The following TASP1 variants were observed in gnomAD, a reference collection of about 807,000 sequenced individuals.
TASP1 encodes taspase 1.
A neutral mutation model predicts 56.6 loss-of-function variants in TASP1; 16 were observed. That is an observed-to-expected ratio of 0.28 (90% CI 0.19 to 0.43). The LOEUF (loss-of-function observed/expected upper bound fraction) is 0.43. TASP1 is among the 20% of genes least tolerant of loss of function. The pLI, the probability that TASP1 is intolerant of heterozygous loss-of-function variation, is 1.00. For missense variants in TASP1, 393 were observed against 511.6 expected (o/e 0.77, Z 2.24); for synonymous variants, 179 against 184.2 (o/e 0.97, Z 0.23).
the TASP1 span, among the ~76,000 whole-genome samples, chr20:13,318,088 A>G: frequency 6.6e-6 from 1 of 151,620 alleles, no homozygotes; most frequent in Non-Finnish European, 1.5e-5. Context: ...ACTCAACAAT[A>G]AGAACACAAA....
At chr20:13,585,511 A>G (rs1394133050) in intron 5 of TASP1, among the ~76,000 whole-genome samples, 1 of 152,216 alleles carries the variant, frequency 6.6e-6, no homozygotes, top group African/African-American at 2.4e-5. Flanking sequence ...AGATATAATC[A>G]AATAAAAATC....
the TASP1 span, among the ~76,000 whole-genome samples, chr20:13,141,793 G>A: frequency 1.3e-5 from 2 of 152,216 alleles, no homozygotes; most frequent in Non-Finnish European, 2.9e-5. Context: ...TTGGTGCTAT[G>A]CTCCACTGGC....
At chr20:13,430,978 C>T (rs1001242499) in intron 12 of TASP1, among the ~76,000 whole-genome samples, 2 of 151,982 alleles carry the variant, frequency 1.3e-5, no homozygotes, top group Non-Finnish European at 1.5e-5. Flanking sequence ...CAATGAGGTT[C>T]GACTGAAAAC....
chr20:13,470,782 C>T (rs1190886031), intron 11 of TASP1, among the ~76,000 whole-genome samples: 3 of 152,286 alleles, frequency 2.0e-5, no homozygotes, highest in African/African-American at 4.8e-5. Context: ...CTCTCCCAGC[C>T]GCTCAACAGA....
At chr20:13,226,374 A>T in the TASP1 span, among the ~76,000 whole-genome samples, 1 of 152,056 alleles carries the variant, frequency 6.6e-6, no homozygotes, top group Non-Finnish European at 1.5e-5. Flanking sequence ...TTTGTGACTT[A>T]CCTGCTCGTT....
chr20:13,121,733 C>T, the TASP1 span, among the ~76,000 whole-genome samples: 2 of 152,146 alleles, frequency 1.3e-5, no homozygotes, highest in African/African-American at 4.8e-5. Context: ...CCAGAAGTTA[C>T]TCAAAGAGCT....
At chr20:13,250,007 T>C in the TASP1 span, among the ~76,000 whole-genome samples, 1 of 152,214 alleles carries the variant, frequency 6.6e-6, no homozygotes, top group African/African-American at 2.4e-5. Context: ...ATAATGGATT[T>C]CCATCGATCG....
rs544815221 is a variant in TASP1, at chr20:13,616,435, T to A, written c.282+7011A>T. ...TCTCTTCTACTAGATTCAGCCAGGATGAATATATCTGATGAGATCCACATA... is the reference window on the plus strand; with the variant it reads ...TCTCTTCTACTAGATTCAGCCAGGAAGAATATATCTGATGAGATCCACATA... On this transcript the variant is annotated intron_variant, in intron 4 of 13. Transcript: ENST00000337743. 3.6e-4 allele frequency among the ~76,000 whole-genome samples: 55 copies of A among 152,142 alleles called. 1 individual carries two copies. In the South Asian group the frequency reaches 0.011, roughly 30 times the overall value.
At chr20:13,130,135 C>T in the TASP1 span, among the ~76,000 whole-genome samples, 6 of 152,210 alleles carry the variant, frequency 3.9e-5, no homozygotes, top group Non-Finnish European at 7.3e-5. Context: ...GAAAGTCATA[C>T]AGTGAATGAT....
chr20:13,455,355 T>C (rs1214147555), intron 11 of TASP1, among the ~76,000 whole-genome samples: 1 of 152,120 alleles, frequency 6.6e-6, no homozygotes, highest in Non-Finnish European at 1.5e-5. Context: ...CAAAAAATGT[T>C]TGCATGAAAA....
At chr20:13,184,142 C>T in the TASP1 span, among the ~76,000 whole-genome samples, 3 of 151,910 alleles carry the variant, frequency 2.0e-5, no homozygotes, top group Non-Finnish European at 4.4e-5. Flanking sequence ...CACTAGGTGC[C>T]AAGCACTGTT....
At chr20:13,205,122 T>C in the TASP1 span, among the ~76,000 whole-genome samples, 1 of 152,130 alleles carries the variant, frequency 6.6e-6, no homozygotes, top group Admixed American at 6.5e-5. Flanking sequence ...GACCTTTTGC[T>C]GTTTTTCCGT....
At chr20:13,223,221 G>A in the TASP1 span, among the ~76,000 whole-genome samples, 1 of 150,902 alleles carries the variant, frequency 6.6e-6, no homozygotes, top group African/African-American at 2.4e-5. Context: ...AATGAAATAA[G>A]CATTATTCAT....
At chr20:13,482,298 T>C (rs995070945) in intron 11 of TASP1, among the ~76,000 whole-genome samples, 2 of 152,174 alleles carry the variant, frequency 1.3e-5, no homozygotes, top group African/African-American at 4.8e-5. Context: ...GCCAGTCCCA[T>C]GCCATTTTGG....
At chr20:13,508,277 C>A (rs1421386977) in intron 10 of TASP1, among the ~76,000 whole-genome samples, 1 of 151,766 alleles carries the variant, frequency 6.6e-6, no homozygotes, top group Non-Finnish European at 1.5e-5. Context: ...AAGGTTTCTG[C>A]ACAGCAAAGG....
chr20:13,324,069 T>C, the TASP1 span, among the ~76,000 whole-genome samples: 1 of 152,178 alleles, frequency 6.6e-6, no homozygotes, highest in Non-Finnish European at 1.5e-5. Context: ...TCGAGAAGTA[T>C]TTGCAGTAAT....
the TASP1 span, chr20:13,164,335 A>G: frequency 2.4e-3 from 1,140 of 471,906 alleles, 8 homozygotes; most frequent in African/African-American, 0.021. Context: ...CTCCCGCAAC[A>G]TTCCTCTTTG....
chr20:13,286,165 G>A, the TASP1 span, among the ~76,000 whole-genome samples: 1 of 152,060 alleles, frequency 6.6e-6, no homozygotes, highest in Non-Finnish European at 1.5e-5. Context: ...ATCTGGCCTC[G>A]GTGGTGTGTG....
the TASP1 span, among the ~76,000 whole-genome samples, chr20:13,310,375 C>T: frequency 4.6e-5 from 7 of 152,038 alleles, no homozygotes; most frequent in Non-Finnish European, 7.4e-5. Context: ...TATCCACCTG[C>T]AGAAGAATGA....
Sources: gnomAD v4.1 joint callset for allele counts (sites outside exome capture counted in the v4.1 genomes callset) on GRCh38, gnomAD v4.1.1 for gene constraint, MANE v1.5 for transcripts, NCBI Gene and HGNC (gene_info 2026-07-23, HGNC 2026-07-21) for gene names.